Variants in SORCS1 observed in about 807,000 individuals in gnomAD.
The protein encoded by SORCS1 is VPS10 domain-containing receptor SorCS1.
In SORCS1, 60 loss-of-function variants were observed where a neutral mutation model predicts 146.1. The observed-to-expected ratio is 0.41, with a 90% CI of 0.33 to 0.51. The LOEUF (loss-of-function observed/expected upper bound fraction) is 0.51, where lower values mean the gene tolerates loss of function less well. Ranked by LOEUF, SORCS1 falls within the 20% of genes least tolerant of loss-of-function variation. The probability of loss-of-function intolerance (pLI) is 0.21; values close to 1 mark genes in which losing one functional copy is unlikely to be tolerated. For synonymous variants in SORCS1, 637 were observed against 584.0 expected, an observed-to-expected ratio of 1.09 and a Z score of -1.31; for missense variants, 1,352 against 1,487.6, an observed-to-expected ratio of 0.91 and a Z score of 1.50.
At chr10:106,992,278 G>A (rs971606336) in intron 1 of SORCS1, among the ~76,000 whole-genome samples, 1 of 152,082 alleles carries the variant, frequency 6.6e-6, no homozygotes, top group African/African-American at 2.4e-5. Context: ...TCCTCTCCTA[G>A]TCATGAGAAT....
chr10:106,688,042 A>G, intron 10 of SORCS1, 150 bp downstream of exon 10: 1 of 986,478 alleles, frequency 1.0e-6, no homozygotes. Context: ...CAGTGCTGTG[A>G]GTTTTCTACA....
At chr10:106,754,874 C>G (rs925217323) in intron 5 of SORCS1, among the ~76,000 whole-genome samples, 1 of 152,188 alleles carries the variant, frequency 6.6e-6, no homozygotes, top group African/African-American at 2.4e-5. Context: ...TATGTATCAC[C>G]ATTCAGCTGT....
rs79749730 is a variant in SORCS1 at position 106,764,453 on chromosome 10, G to A, written c.886-2792C>T. Among the ~76,000 whole-genome samples the A allele has an allele frequency of 6.1e-3, 930 of 152,320 alleles. 9 individuals are homozygous for A. Among genetic ancestry groups the A allele is most frequent in the African/African-American group, 0.021 (891 of 41,570 alleles). On this transcript the variant is annotated intron_variant, in intron 4 of 25. Transcript: ENST00000263054. ...GCGGAAGGCTTTCCCTGTAGAATGAGTCAATGTCCTTTAATAAAATTCATA... is the reference window on the plus strand; with the variant it reads ...GCGGAAGGCTTTCCCTGTAGAATGAATCAATGTCCTTTAATAAAATTCATA...
chr10:107,105,815 C>T (rs887059696), intron 1 of SORCS1, among the ~76,000 whole-genome samples: 2 of 152,168 alleles, frequency 1.3e-5, no homozygotes, highest in African/African-American at 4.8e-5. Flanking sequence ...AGGAACAATA[C>T]TTTTCATCTT....
At chr10:107,098,645 T>C (rs1964699969) in intron 1 of SORCS1, among the ~76,000 whole-genome samples, 1 of 152,228 alleles carries the variant, frequency 6.6e-6, no homozygotes, top group African/African-American at 2.4e-5. Context: ...ATTAATGCCT[T>C]TGTGGCATAA....
At chr10:106,877,582 A>G (rs140907543) in intron 2 of SORCS1, among the ~76,000 whole-genome samples, 182 of 152,314 alleles carry the variant, frequency 1.2e-3, no homozygotes, top group Middle Eastern at 6.8e-3. Context: ...AACATGGGTA[A>G]TGTTTGGTGA....
At chr10:106,706,124 T>C (rs1854500568) in intron 8 of SORCS1, among the ~76,000 whole-genome samples, 1 of 151,616 alleles carries the variant, frequency 6.6e-6, no homozygotes. Flanking sequence ...AAATCTTTAC[T>C]ATTGAAAAGC....
At chr10:106,753,944 A>T (rs1181662216) in intron 5 of SORCS1, among the ~76,000 whole-genome samples, 1 of 152,224 alleles carries the variant, frequency 6.6e-6, no homozygotes, top group East Asian at 1.9e-4. Context: ...ACATTAGGCA[A>T]AATTATATAA....
chr10:106,944,579 G>T (rs1954212264), intron 2 of SORCS1, among the ~76,000 whole-genome samples: 1 of 152,072 alleles, frequency 6.6e-6, no homozygotes, highest in Non-Finnish European at 1.5e-5. Flanking sequence ...ATTACTTAAG[G>T]ACAACAATAT....
intron 5 of SORCS1, among the ~76,000 whole-genome samples, chr10:106,745,816 C>G (rs1054766348): frequency 1.3e-5 from 2 of 152,090 alleles, no homozygotes; most frequent in African/African-American, 4.8e-5. Context: ...ATGGAGAAAC[C>G]TGGGAGACGC....
At chr10:107,082,006 C>T (rs1343048480) in intron 1 of SORCS1, among the ~76,000 whole-genome samples, 1 of 152,194 alleles carries the variant, frequency 6.6e-6, no homozygotes, top group Non-Finnish European at 1.5e-5. Flanking sequence ...AAGAGACTTC[C>T]TCCAAAGAGA....
intron 1 of SORCS1, chr10:106,969,947 C>T (rs1564869983): frequency 1.3e-5 from 2 of 152,378 alleles, no homozygotes; most frequent in South Asian, 2.1e-4. Flanking sequence ...CAGTCCTAGG[C>T]TATGAATCAG....
chr10:107,021,195 G>GA (rs1238608388), intron 1 of SORCS1, among the ~76,000 whole-genome samples: 71 of 152,138 alleles, frequency 4.7e-4, no homozygotes, highest in East Asian at 1.9e-3. Flanking sequence ...CGGCTATGTG[G>GA]AAAAACTGTT....
At chr10:107,175,432 A>ATTTCTTTCTTTCTTTC in the SORCS1 span, among the ~76,000 whole-genome samples, 1 of 151,582 alleles carries the variant, frequency 6.6e-6, no homozygotes, top group African/African-American at 2.4e-5. Flanking sequence ...ACCTATTTAG[A>ATTTCTTTCTTTCTTTC]TTTCTTTCTT....
At chr10:107,167,821 T>C (rs1403141224), upstream of SORCS1, among the ~76,000 whole-genome samples, 1 of 151,886 alleles carries the variant, frequency 6.6e-6, no homozygotes, top group Non-Finnish European at 1.5e-5. Flanking sequence ...TATATATGTA[T>C]AAAGAGAGAG....
At chr10:106,802,335 CTT>C (rs1564675259) in intron 3 of SORCS1, among the ~76,000 whole-genome samples, 1 of 152,046 alleles carries the variant, frequency 6.6e-6, no homozygotes, top group Non-Finnish European at 1.5e-5. Context: ...CAAAATTTAA[CTT>C]TACACTTTTT....
chr10:106,680,422 A>T (rs929757902), intron 10 of SORCS1, among the ~76,000 whole-genome samples: 8 of 152,214 alleles, frequency 5.3e-5, no homozygotes, highest in African/African-American at 1.9e-4. Context: ...TCAGTTGTAT[A>T]GAAAAAGTAT....
At chr10:106,623,243 C>CTT (rs200567639) in intron 19 of SORCS1, among the ~76,000 whole-genome samples, 22 of 135,918 alleles carry the variant, frequency 1.6e-4, no homozygotes, top group East Asian at 2.2e-4. Context: ...CATATGTGAG[C>CTT]TTTTTTTTTT....
At chr10:106,783,848 C>A (rs115074494) in intron 3 of SORCS1, among the ~76,000 whole-genome samples, 1,573 of 152,218 alleles carry the variant, frequency 0.01, 25 homozygotes, top group African/African-American at 0.035. Flanking sequence ...GGGCAAAAAT[C>A]TCTGATGTAA....
Sources: gnomAD v4.1 joint callset for allele counts (sites outside exome capture counted in the v4.1 genomes callset) on GRCh38, gnomAD v4.1.1 for gene constraint, MANE v1.5 for transcripts, NCBI Gene and HGNC (gene_info 2026-07-23, HGNC 2026-07-21) for gene names.